The following KCNMA1 variants were observed in gnomAD, a reference collection of about 807,000 sequenced individuals.
KCNMA1 encodes the protein potassium calcium-activated channel subfamily M alpha 1, also known as Calcium-activated potassium channel subunit alpha-1.
KCNMA1 carries 29 observed loss-of-function variants against 140.0 expected under a neutral mutation model. That is an observed-to-expected ratio of 0.21 (90% CI 0.15 to 0.28). The LOEUF is 0.28. Among genes scored for constraint, KCNMA1 ranks in the 10% least tolerant of loss-of-function variants. The pLI, the probability that KCNMA1 is intolerant of heterozygous loss-of-function variation, is 1.00. For missense variants in KCNMA1, 880 were observed against 1,602.2 expected, an observed-to-expected ratio of 0.55 and a Z score of 7.70; for synonymous variants, 612 against 611.9, an observed-to-expected ratio of 1.00 and a Z score of 0.00.
At chr10:77,112,585 G>A in intron 6 of KCNMA1, 143 bp from the exon 7 acceptor site, 1 of 689,240 alleles carries the variant, frequency 1.5e-6, no homozygotes, top group African/African-American at 1.8e-5. Flanking sequence ...AGGGAATTCT[G>A]GAAGGTGGAG....
At chr10:77,306,691 G>T (rs1474506445) in intron 2 of KCNMA1, among the ~76,000 whole-genome samples, 2 of 152,174 alleles carry the variant, frequency 1.3e-5, no homozygotes, top group Admixed American at 1.3e-4. Context: ...CAGAGAGGGG[G>T]TGTTTAGGAG....
intron 2 of KCNMA1, among the ~76,000 whole-genome samples, chr10:77,294,694 G>T (rs888126270): frequency 6.6e-6 from 1 of 151,992 alleles, no homozygotes; most frequent in African/African-American, 2.4e-5. Context: ...TGAGGTGGGC[G>T]GGTCATCTGA....
chr10:77,395,422 T>C (rs1484085755), intron 2 of KCNMA1, among the ~76,000 whole-genome samples: 1 of 152,202 alleles, frequency 6.6e-6, no homozygotes, highest in Non-Finnish European at 1.5e-5. Flanking sequence ...TGAGCCAGAC[T>C]GTCCCACAGG....
In KCNMA1 at chr10:76,885,175, GA is replaced by G; in HGVS notation, c.*2090del. On this transcript the variant is annotated 3_prime_UTR_variant, in exon 28 of 28. Transcript: ENST00000286628. ...AAAGAATGCATGAAGAGCTCTTCAT[GA>G]TCCAATACTAGGGGATACATATATA... is the stretch of plus-strand genomic sequence containing the variant. 8.2e-7 allele frequency: 1 copy of G among 1,218,160 alleles called. No individual in the cohort carries two copies. 75.5% of individuals were successfully genotyped at this position (1,218,160 alleles called of 1,614,324 possible).
At chr10:77,254,240 T>TTA (rs1555080114) in intron 2 of KCNMA1, among the ~76,000 whole-genome samples, 3 of 151,538 alleles carry the variant, frequency 2.0e-5, no homozygotes, top group African/African-American at 2.4e-5. Flanking sequence ...TTTTTTTTTT[T>TTA]AGACAGATCC....
rs183392650 is a variant in KCNMA1 at position 77,338,150 on chromosome 10, C to G, written c.540+65712G>C. 1.6e-3 allele frequency among the ~76,000 whole-genome samples: 236 copies of G among 152,216 alleles called. 8 individuals are homozygous for G. The highest frequency in any genetic ancestry group is 0.014 in the Admixed American group (211 of 15,298). The stretch of plus-strand genomic sequence containing the variant: ...AAGGCTCTTGAGAGTGAAAAGGAAA[C>G]AGGACTCAAGCCTCTCTTTGGTCAC... On this transcript the variant is annotated intron_variant, in intron 2 of 27. Transcript: ENST00000286628.
chr10:76,885,217 TTA>T lies in KCNMA1; in HGVS notation c.*2047_*2048del, dbSNP rs954831627. 3.2e-5 allele frequency: 16 copies of T among 504,142 alleles called. No homozygotes were observed. Among genetic ancestry groups the T allele is most frequent in the Admixed American group, 6.2e-5 (1 of 16,116 alleles). 31.2% of individuals were successfully genotyped at this position (504,142 alleles called of 1,614,324 possible). On this transcript the variant is annotated 3_prime_UTR_variant, in exon 28 of 28. Coordinates refer to ENST00000286628, the MANE Select transcript of KCNMA1 (RefSeq NM_001161352.2). ...TACATATATATAGTTATATATATAGTTATATATATATAATTATATAGTTATAT... is the reference window on the plus strand; with the variant it reads ...TACATATATATAGTTATATATATAGTTATATATATAATTATATAGTTATAT...
chr10:77,272,229 T>C (rs2065351192), intron 2 of KCNMA1, among the ~76,000 whole-genome samples: 1 of 152,186 alleles, frequency 6.6e-6, no homozygotes. Flanking sequence ...TGTTCAGTCC[T>C]TGCTGTATCT....
At chr10:77,624,269 TA>T (rs2092112064) in intron 1 of KCNMA1, among the ~76,000 whole-genome samples, 1 of 152,224 alleles carries the variant, frequency 6.6e-6, no homozygotes, top group Non-Finnish European at 1.5e-5. Context: ...CAGCCTATCA[TA>T]GCACACTATT....
chr10:77,008,896 A>G (rs893571334), intron 18 of KCNMA1, among the ~76,000 whole-genome samples: 1 of 152,256 alleles, frequency 6.6e-6, no homozygotes, highest in Non-Finnish European at 1.5e-5. Flanking sequence ...TCTTCTAATT[A>G]AAGTTTCTTT....
chr10:77,574,976 G>A (rs1185340610), intron 1 of KCNMA1, among the ~76,000 whole-genome samples: 3 of 152,168 alleles, frequency 2.0e-5, no homozygotes, highest in South Asian at 2.1e-4. Context: ...ACCACAGATC[G>A]TACCACCACC....
intron 16 of KCNMA1, among the ~76,000 whole-genome samples, chr10:77,024,331 G>A (rs983572862): frequency 2.0e-5 from 3 of 151,756 alleles, no homozygotes; most frequent in African/African-American, 7.3e-5. Flanking sequence ...TTATACACAT[G>A]TACTCAAAAA....
intron 18 of KCNMA1, among the ~76,000 whole-genome samples, chr10:77,008,029 GA>G (rs1565507683): frequency 6.6e-6 from 1 of 152,048 alleles, no homozygotes; most frequent in African/African-American, 2.4e-5. Context: ...TGCATTGGGG[GA>G]TGAAGGAGTT....
At chr10:77,229,336 C>CA (rs146613662) in intron 3 of KCNMA1, among the ~76,000 whole-genome samples, 138 of 123,686 alleles carry the variant, frequency 1.1e-3, no homozygotes, top group Middle Eastern at 4.3e-3. Context: ...AAGCCCATGG[C>CA]AAAAAAAAAA....
At chr10:77,340,933 T>C (rs142257975) in intron 2 of KCNMA1, among the ~76,000 whole-genome samples, 69 of 151,574 alleles carry the variant, frequency 4.6e-4, no homozygotes, top group Admixed American at 1.6e-3. Context: ...CTGGAGTCTC[T>C]TTATAAACAC....
At chr10:77,596,929 TATTTAGCA>T (rs2081113680) in intron 1 of KCNMA1, among the ~76,000 whole-genome samples, 1 of 152,208 alleles carries the variant, frequency 6.6e-6, no homozygotes, top group Non-Finnish European at 1.5e-5. Context: ...GCAGAGTAGC[TATTTAGCA>T]ACTAGAGGGC....
chr10:77,254,362 C>T (rs1002632143), intron 2 of KCNMA1, among the ~76,000 whole-genome samples: 1 of 151,902 alleles, frequency 6.6e-6, no homozygotes, highest in Non-Finnish European at 1.5e-5. Flanking sequence ...GCTGGGACTA[C>T]AGGTGCCTGC....
intron 18 of KCNMA1, among the ~76,000 whole-genome samples, chr10:77,006,958 T>C (rs545300219): frequency 2.7e-5 from 4 of 148,822 alleles, no homozygotes; most frequent in African/African-American, 9.8e-5. Flanking sequence ...CTCCAAACAC[T>C]GATGACTAAC....
At chr10:76,961,376 T>G (rs534909491) in intron 20 of KCNMA1, among the ~76,000 whole-genome samples, 23 of 152,146 alleles carry the variant, frequency 1.5e-4, no homozygotes, top group Non-Finnish European at 2.9e-4. Context: ...CTTGAACATA[T>G]GAGGAGTTGC....
Sources: allele counts gnomAD v4.1 joint callset (sites outside exome capture counted in the v4.1 genomes callset), GRCh38; gene constraint gnomAD v4.1.1; transcripts MANE v1.5; gene names NCBI Gene and HGNC (gene_info 2026-07-23, HGNC 2026-07-21).